Variants in SLC6A11 observed in about 807,000 individuals in gnomAD.
SLC6A11 encodes the protein solute carrier family 6 member 11.
In SLC6A11, 25 loss-of-function variants were observed where a neutral mutation model predicts 74.8. That is an observed-to-expected ratio of 0.33 (90% CI 0.24 to 0.47). The LOEUF is 0.47. Among genes scored for constraint, SLC6A11 ranks in the 20% least tolerant of loss-of-function variants. The pLI is 1.00. For synonymous variants in SLC6A11, 330 were observed against 330.2 expected, an observed-to-expected ratio of 1.00 and a Z score of 0.01; for missense variants, 574 against 837.0, an observed-to-expected ratio of 0.69 and a Z score of 3.88.
At chr3:10,937,736 T>G (rs937535288) in intron 13 of SLC6A11, among the ~76,000 whole-genome samples, 1 of 152,186 alleles carries the variant, frequency 6.6e-6, no homozygotes, top group Admixed American at 6.5e-5. Context: ...GTGATAATGC[T>G]TCTACCTTTG....
chr3:10,854,611 C>T (rs1225989028), intron 5 of SLC6A11, among the ~76,000 whole-genome samples: 1 of 152,118 alleles, frequency 6.6e-6, no homozygotes, highest in African/African-American at 2.4e-5. Context: ...TGCTGTTATC[C>T]CCCTCCCGCC....
In SLC6A11 at chr3:10,929,280, C is replaced by T; in HGVS notation, c.1312C>T (p.Leu438=). 6.2e-7 allele frequency: 1 copy of T among 1,614,116 alleles called. No homozygotes were observed. Among genetic ancestry groups the T allele is most frequent in the Non-Finnish European group, 8.5e-7 (1 of 1,179,998 alleles). Reference sequence around the variant, plus strand: ...TTTCCGGAGGGGTTACCGGCGGGAGCTGCTCATCCTAGCCTTGTCTGTTAT... The same window carrying T: ...TTTCCGGAGGGGTTACCGGCGGGAGTTGCTCATCCTAGCCTTGTCTGTTAT... The part of the protein sequence containing the change: ...KVFRRGYRRE[L]LILALSVISY... Residue 438 remains leucine, a synonymous_variant, in exon 10 of 14, where the codon CTG becomes TTG. Coordinates refer to ENST00000254488, the MANE Select transcript of SLC6A11 (RefSeq NM_014229.3).
intron 6 of SLC6A11, among the ~76,000 whole-genome samples, chr3:10,878,858 G>A (rs1396569049): frequency 6.6e-6 from 1 of 152,170 alleles, no homozygotes; most frequent in East Asian, 1.9e-4. Context: ...ATTTATGTGT[G>A]TATATAATTG....
intron 6 of SLC6A11, among the ~76,000 whole-genome samples, chr3:10,900,556 G>A (rs956575175): frequency 2.3e-4 from 35 of 152,196 alleles, no homozygotes; most frequent in African/African-American, 8.2e-4. Flanking sequence ...TTTCTTTTCC[G>A]TTCTCCTCCC....
Position 10,926,206 on chromosome 3 carries a change from C to A in SLC6A11, c.1233+90C>A. 2.6e-6 allele frequency: 2 copies of A among 758,546 alleles called. No homozygotes were observed. The highest frequency in any genetic ancestry group is 4.4e-6 in the Non-Finnish European group (2 of 451,278). The allele number at this position is 758,546 out of a possible 1,614,324, so 47.0% of individuals were successfully genotyped here. A position where few individuals can be genotyped will look rare whatever the true frequency, so the allele number is the denominator to read the frequency against. ...ACCCTTAGGAGTGGCTCCCCAGGCC[C>A]AGCCACTCCCACCTGGCCCTGGCAT... On this transcript the variant is annotated intron_variant, in intron 9 of 13. Transcript: ENST00000254488. The surrounding 1 kb of genome is among the most constrained non-coding windows in gnomAD (Gnocchi z 5.7).
At chr3:10,874,357 A>G (rs757679914) in intron 5 of SLC6A11, among the ~76,000 whole-genome samples, 2 of 152,214 alleles carry the variant, frequency 1.3e-5, no homozygotes, top group Non-Finnish European at 2.9e-5. Flanking sequence ...CTCAGTAGAC[A>G]GCACTGAGAG....
chr3:10,869,873 G>A (rs1559565446), intron 5 of SLC6A11, among the ~76,000 whole-genome samples: 1 of 152,134 alleles, frequency 6.6e-6, no homozygotes, highest in Non-Finnish European at 1.5e-5. Flanking sequence ...CGGTAAAAAG[G>A]GGGTGTAACT....
intron 4 of SLC6A11, among the ~76,000 whole-genome samples, chr3:10,827,560 A>G (rs770377941): frequency 2.0e-5 from 3 of 152,198 alleles, no homozygotes; most frequent in Non-Finnish European, 4.4e-5. Flanking sequence ...CACTGCCTCC[A>G]ACTCCAGGGA....
chr3:10,911,575 C>T (rs886838658), intron 6 of SLC6A11, among the ~76,000 whole-genome samples: 7 of 152,178 alleles, frequency 4.6e-5, no homozygotes, highest in Admixed American at 2.6e-4. Context: ...ATGTATCACC[C>T]TGGACAGAAT....
intron 4 of SLC6A11, among the ~76,000 whole-genome samples, chr3:10,835,845 G>T (rs73035888): frequency 9.2e-5 from 14 of 152,304 alleles, no homozygotes; most frequent in African/African-American, 2.9e-4. Flanking sequence ...GGGTTGGGAG[G>T]GGGGAGCCCT....
intron 5 of SLC6A11, among the ~76,000 whole-genome samples, chr3:10,869,394 T>C (rs1311616037): frequency 6.6e-6 from 1 of 152,230 alleles, no homozygotes; most frequent in Non-Finnish European, 1.5e-5. Context: ...AGCCTCGTCT[T>C]CCAGACCTTT....
At position 10,829,977 on chromosome 3, in the gene SLC6A11, T is replaced by C. The variant is rs1057269937; in HGVS notation, c.623+6585T>C. Among the ~76,000 whole-genome samples the C allele has an allele frequency of 7.2e-5, 11 of 152,244 alleles. No homozygotes were observed. In the East Asian group the frequency reaches 2.1e-3, roughly 29 times the overall value. On this transcript the variant is annotated intron_variant, in intron 4 of 13. Coordinates refer to ENST00000254488, the MANE Select transcript of SLC6A11 (RefSeq NM_014229.3). ...AGTAAATACTGGGTGCTGGGCATCTTATAAGTAGCCAGAAAGATGAGTGGT... is the reference window on the plus strand; with the variant it reads ...AGTAAATACTGGGTGCTGGGCATCTCATAAGTAGCCAGAAAGATGAGTGGT...
intron 6 of SLC6A11, among the ~76,000 whole-genome samples, chr3:10,884,522 A>C (rs901173473): frequency 3.3e-5 from 5 of 152,186 alleles, no homozygotes; most frequent in African/African-American, 1.2e-4. Flanking sequence ...TGAGGCTCTG[A>C]GGGGCTGAAG....
chr3:10,900,004 A>G (rs943705606), intron 6 of SLC6A11, among the ~76,000 whole-genome samples: 3 of 152,244 alleles, frequency 2.0e-5, no homozygotes, highest in Non-Finnish European at 2.9e-5. Flanking sequence ...GTCTTTCCCC[A>G]TAGCTACACT....
At chr3:10,933,524 A>T (rs1695718694) in intron 11 of SLC6A11, among the ~76,000 whole-genome samples, 1 of 152,198 alleles carries the variant, frequency 6.6e-6, no homozygotes, top group Non-Finnish European at 1.5e-5. Flanking sequence ...GTAAAATAAC[A>T]GTAGTCATCA....
chr3:10,833,414 T>C (rs1022298265), intron 4 of SLC6A11, among the ~76,000 whole-genome samples: 1 of 152,184 alleles, frequency 6.6e-6, no homozygotes, highest in Non-Finnish European at 1.5e-5. Flanking sequence ...CCAAGGTCTA[T>C]TTGCCCTAAG....
intron 8 of SLC6A11, among the ~76,000 whole-genome samples, chr3:10,920,489 A>G (rs1396721165): frequency 6.6e-6 from 1 of 152,214 alleles, no homozygotes; most frequent in Non-Finnish European, 1.5e-5. Context: ...ATAGATTGCT[A>G]TCATTGAGTT....
At chr3:10,873,701 T>C (rs968251855) in intron 5 of SLC6A11, among the ~76,000 whole-genome samples, 9 of 139,112 alleles carry the variant, frequency 6.5e-5, no homozygotes, top group African/African-American at 2.9e-4. Context: ...TCCTATCCTA[T>C]CCTATCCTAT....
intron 10 of SLC6A11, among the ~76,000 whole-genome samples, chr3:10,930,610 C>T (rs140254289): frequency 5.9e-5 from 9 of 152,302 alleles, no homozygotes; most frequent in African/African-American, 1.9e-4. Context: ...TAGAGTCTCT[C>T]GTCACAGTCT....
Sources: allele counts gnomAD v4.1 joint callset (sites outside exome capture counted in the v4.1 genomes callset), GRCh38; gene constraint gnomAD v4.1.1; non-coding constraint Gnocchi (gnomAD v3.1); transcripts MANE v1.5; gene names NCBI Gene and HGNC (gene_info 2026-07-23, HGNC 2026-07-21).